The following SLC7A14 variants were observed in gnomAD, a reference collection of about 807,000 sequenced individuals.
The protein encoded by SLC7A14 is gamma-aminobutyric acid transporter SLC7A14.
A neutral mutation model predicts 60.2 loss-of-function variants in SLC7A14; 37 were observed. The ratio of observed to expected loss-of-function variants is 0.61; its 90% CI spans 0.47 to 0.81. The LOEUF is 0.81. Among genes scored for constraint, SLC7A14 ranks in the 30% least tolerant of loss-of-function variants. SLC7A14 has a pLI of 0.00. For missense variants in SLC7A14, 886 were observed against 982.7 expected (o/e 0.90, Z 1.32); for synonymous variants, 399 against 395.8 (o/e 1.01, Z -0.10).
At chr3:170,493,007 T>C (rs1712269045) in intron 4 of SLC7A14, among the ~76,000 whole-genome samples, 1 of 152,172 alleles carries the variant, frequency 6.6e-6, no homozygotes, top group Admixed American at 6.5e-5. Flanking sequence ...TTTCCTTTGT[T>C]TGGAGGCTGT....
chr3:170,482,644 T>G (rs1188969318), intron 6 of SLC7A14, among the ~76,000 whole-genome samples: 1 of 152,190 alleles, frequency 6.6e-6, no homozygotes, highest in East Asian at 1.9e-4. Flanking sequence ...TATATTGGTG[T>G]GGTTAAAAGT....
rs117794621 is a variant in SLC7A14 at position 170,521,089 on chromosome 3, A to G, written c.304+5544T>C. 1.4e-3 allele frequency among the ~76,000 whole-genome samples: 211 copies of G among 152,326 alleles called. 4 individuals are homozygous for G. The East Asian group carries it at 0.034, about 24-fold the overall frequency. On this transcript the variant is annotated intron_variant, in intron 2 of 7. Transcript: ENST00000231706. ...GGGTCTGGTTGTGGCCTACTGAGCT[A>G]TTGAAGAGTAGATAAGACCTTTTGG...
At chr3:170,582,234 A>T (rs1715257231) in intron 1 of SLC7A14, among the ~76,000 whole-genome samples, 1 of 152,026 alleles carries the variant, frequency 6.6e-6, no homozygotes, top group South Asian at 2.1e-4. Flanking sequence ...GTAGGTCCTT[A>T]CTTCTTCCCA....
chr3:170,526,431 G>GAAA (rs35594669), intron 2 of SLC7A14, among the ~76,000 whole-genome samples: 35 of 137,100 alleles, frequency 2.6e-4, no homozygotes, highest in African/African-American at 9.2e-4. Context: ...AAAAGAAAAA[G>GAAA]AAAAAAAAAA....
In SLC7A14 at chr3:170,529,493, G is replaced by A. The variant is rs113262788; in HGVS notation, c.-152-2405C>T. On this transcript the variant is annotated intron_variant, in intron 1 of 7. Transcript: ENST00000231706. The stretch of plus-strand genomic sequence containing the variant: ...AGAAACTATACAAAGCATCTTCTCT[G>A]TGTCAGCCCAGCCTTAGGTAGCAGT... Among the ~76,000 whole-genome samples, 1,286 of 152,246 alleles carry A rather than the reference G, an allele frequency of 8.4e-3. 8 individuals are homozygous for A. Among genetic ancestry groups the A allele is most frequent in the Non-Finnish European group, 0.013 (882 of 68,028 alleles).
intron 6 of SLC7A14, among the ~76,000 whole-genome samples, chr3:170,482,074 A>C (rs1018562256): frequency 1.3e-5 from 2 of 152,258 alleles, no homozygotes. Flanking sequence ...TTGGCAAAAT[A>C]GCACAGTAAT....
At chr3:170,516,106 C>T (rs1286576614) in intron 2 of SLC7A14, among the ~76,000 whole-genome samples, 1 of 152,196 alleles carries the variant, frequency 6.6e-6, no homozygotes, top group African/African-American at 2.4e-5. Context: ...AACTCATTAT[C>T]ACCATCAGCA....
At chr3:170,552,134 A>G (rs543914802) in intron 1 of SLC7A14, among the ~76,000 whole-genome samples, 1 of 152,254 alleles carries the variant, frequency 6.6e-6, no homozygotes, top group Non-Finnish European at 1.5e-5. Context: ...TCATGTGTGT[A>G]TCTAGTGGAC....
chr3:170,539,000 C>T (rs566163986), intron 1 of SLC7A14, among the ~76,000 whole-genome samples: 4 of 152,362 alleles, frequency 2.6e-5, no homozygotes, highest in Admixed American at 6.5e-5. Flanking sequence ...AACGTGTATT[C>T]GTCAATTGCC....
intron 1 of SLC7A14, among the ~76,000 whole-genome samples, chr3:170,576,530 C>T (rs1420901399): frequency 6.6e-6 from 1 of 152,154 alleles, no homozygotes; most frequent in African/African-American, 2.4e-5. Context: ...CATTGTTTTA[C>T]TTATTGGTAA....
intron 2 of SLC7A14, among the ~76,000 whole-genome samples, chr3:170,519,771 A>G (rs1380357568): frequency 2.0e-5 from 3 of 152,190 alleles, no homozygotes; most frequent in Non-Finnish European, 4.4e-5. Flanking sequence ...GCAAGACTCT[A>G]TCTCAAAAAT....
chr3:170,535,234 T>C lies in SLC7A14; in HGVS notation c.-152-8146A>G, dbSNP rs1168228880. The stretch of plus-strand genomic sequence containing the variant: ...CTGCTTGGTGTCATGTGTTATTCAT[T>C]GTATATAAGATAATATTAACAAAAC... On this transcript the variant is annotated intron_variant, in intron 1 of 7. Transcript: ENST00000231706. This position sits in a 1 kb window ranked among gnomAD's most constrained non-coding sequence, Gnocchi z 4.3. Among the ~76,000 whole-genome samples the C allele has an allele frequency of 2.0e-5, 3 of 151,930 alleles. No individual in the cohort carries two copies. The highest frequency in any genetic ancestry group is 4.4e-5 in the Non-Finnish European group (3 of 68,004).
chr3:170,544,463 C>T (rs1486370332), intron 1 of SLC7A14, among the ~76,000 whole-genome samples: 1 of 152,138 alleles, frequency 6.6e-6, no homozygotes, highest in African/African-American at 2.4e-5. Context: ...ATAATCCTCG[C>T]CTAAATAACA....
intron 2 of SLC7A14, among the ~76,000 whole-genome samples, chr3:170,501,966 A>C (rs1041094407): frequency 1.3e-5 from 2 of 152,266 alleles, no homozygotes; most frequent in Admixed American, 6.5e-5. Flanking sequence ...GACAAATGGC[A>C]TATGCCCCTG....
intron 4 of SLC7A14, chr3:170,495,794 G>A: frequency 8.8e-7 from 1 of 1,140,968 alleles, no homozygotes; most frequent in Non-Finnish European, 1.3e-6. Context: ...AGAACAAGAT[G>A]CTGGAGACCA....
At chr3:170,491,206 A>G (rs576372950) in intron 4 of SLC7A14, among the ~76,000 whole-genome samples, 50 of 152,342 alleles carry the variant, frequency 3.3e-4, no homozygotes, top group Middle Eastern at 3.4e-3. Flanking sequence ...ATAAGCATCT[A>G]TATTATTCAT....
chr3:170,523,581 G>A (rs1039137569), intron 2 of SLC7A14, among the ~76,000 whole-genome samples: 5 of 152,076 alleles, frequency 3.3e-5, no homozygotes, highest in African/African-American at 1.2e-4. Flanking sequence ...TTAAATCTAA[G>A]TTAATCTCAA....
intron 1 of SLC7A14, among the ~76,000 whole-genome samples, chr3:170,538,899 T>C (rs1560274025): frequency 6.6e-6 from 1 of 152,228 alleles, no homozygotes; most frequent in Non-Finnish European, 1.5e-5. Flanking sequence ...TCCATGTTCC[T>C]TTGGGACTCA....
intron 3 of SLC7A14, among the ~76,000 whole-genome samples, chr3:170,499,545 T>A (rs2108279775): frequency 6.6e-6 from 1 of 152,324 alleles, no homozygotes; most frequent in African/African-American, 2.4e-5. Flanking sequence ...AAATTGTTTT[T>A]AGCTTCATTA....
Sources: allele counts gnomAD v4.1 joint callset (sites outside exome capture counted in the v4.1 genomes callset), GRCh38; gene constraint gnomAD v4.1.1; non-coding constraint Gnocchi (gnomAD v3.1); transcripts MANE v1.5; gene names NCBI Gene and HGNC (gene_info 2026-07-23, HGNC 2026-07-21).